IL1RAPL2: variants seen among roughly 807,000 people sequenced by gnomAD.
The protein encoded by IL1RAPL2 is interleukin 1 receptor accessory protein like 2, also known as X-linked interleukin-1 receptor accessory protein-like 2.
IL1RAPL2 carries 3 observed loss-of-function variants against 44.1 expected under a neutral mutation model. The ratio of observed to expected loss-of-function variants is 0.07; its 90% confidence interval spans 0.03 to 0.18. IL1RAPL2 has a LOEUF of 0.18. IL1RAPL2 is among the 10% of genes least tolerant of loss of function. IL1RAPL2 has a pLI of 1.00. For synonymous variants in IL1RAPL2, 181 were observed against 178.8 expected (o/e 1.01, Z -0.10); for missense variants, 391 against 496.4 (o/e 0.79, Z 2.02).
chrX:104,673,324 A>C (rs1930660416), intron 2 of IL1RAPL2, among the ~76,000 whole-genome samples: 1 of 111,388 alleles, frequency 9.0e-6, no homozygotes, highest in Non-Finnish European at 1.9e-5. Context: ...ATGGCTAGCC[A>C]GTTTTCCCAG....
intron 5 of IL1RAPL2, among the ~76,000 whole-genome samples, chrX:105,424,156 C>T (rs2035792304): frequency 8.9e-6 from 1 of 112,399 alleles, no homozygotes; most frequent in African/African-American, 3.2e-5. Context: ...TGAGGATGCA[C>T]ACCCGTGACA....
At chrX:105,009,208 A>G (rs1213479933) in intron 2 of IL1RAPL2, among the ~76,000 whole-genome samples, 2 of 111,624 alleles carry the variant, frequency 1.8e-5, no homozygotes, top group Non-Finnish European at 3.8e-5. Context: ...TCAATGATCT[A>G]GAACTAGAAA....
chrX:104,766,904 C>T (rs1269115039), intron 2 of IL1RAPL2, among the ~76,000 whole-genome samples: 1 of 112,087 alleles, frequency 8.9e-6, no homozygotes. Context: ...ATTTAGCTGT[C>T]CCAGTTTACA....
intron 5 of IL1RAPL2, chrX:105,406,496 C>T (rs772710154): frequency 5.6e-5 from 67 of 1,200,116 alleles, no homozygotes; most frequent in South Asian, 1.9e-4. Context: ...GGAATTTGTC[C>T]GATTTTTTGC....
intron 7 of IL1RAPL2, among the ~76,000 whole-genome samples, chrX:105,736,131 C>T (rs926145324): frequency 9.0e-6 from 1 of 111,269 alleles, no homozygotes; most frequent in Non-Finnish European, 1.9e-5. Flanking sequence ...GGAAAGGACT[C>T]CCTATTAAAT....
intron 5 of IL1RAPL2, among the ~76,000 whole-genome samples, chrX:105,474,979 T>A (rs192166632): frequency 9.0e-6 from 1 of 111,216 alleles, no homozygotes; most frequent in Admixed American, 9.6e-5. Context: ...GGACCCAAAA[T>A]GTATTTACCA....
intron 2 of IL1RAPL2, among the ~76,000 whole-genome samples, chrX:104,977,383 T>C (rs1048494061): frequency 2.7e-5 from 3 of 112,093 alleles, no homozygotes; most frequent in African/African-American, 9.7e-5. Flanking sequence ...CTTTGGTTAG[T>C]GTTATGGCTT....
At chrX:105,287,905 T>A (rs770803739) in intron 5 of IL1RAPL2, among the ~76,000 whole-genome samples, 1 of 111,520 alleles carries the variant, frequency 9.0e-6, no homozygotes, top group South Asian at 3.8e-4. Flanking sequence ...TTCTAAATTA[T>A]GGTTCTTATC....
chrX:105,115,640 T>C (rs1344075596), intron 2 of IL1RAPL2, among the ~76,000 whole-genome samples: 2 of 112,588 alleles, frequency 1.8e-5, no homozygotes, highest in African/African-American at 6.5e-5. Flanking sequence ...TAGCTAGACA[T>C]AAAGATTCTC....
chrX:105,048,693 T>G (rs998879958), intron 2 of IL1RAPL2, among the ~76,000 whole-genome samples: 2 of 112,033 alleles, frequency 1.8e-5, no homozygotes, highest in Non-Finnish European at 3.8e-5. Flanking sequence ...AACTCATTTT[T>G]GCATCACTAC....
intron 6 of IL1RAPL2, among the ~76,000 whole-genome samples, chrX:105,593,000 T>C (rs747216186): frequency 1.2e-3 from 132 of 112,244 alleles, no homozygotes; most frequent in African/African-American, 3.6e-3. Context: ...GGAAATTTTA[T>C]TGGATGATTT....
chrX:105,447,421 A>G (rs1254697396), intron 5 of IL1RAPL2, among the ~76,000 whole-genome samples: 14 of 72,855 alleles, frequency 1.9e-4, no homozygotes, highest in African/African-American at 7.5e-4. Flanking sequence ...ATAAATATAT[A>G]AATATATATA....
At chrX:105,075,400 T>G (rs918014914) in intron 2 of IL1RAPL2, among the ~76,000 whole-genome samples, 7 of 111,454 alleles carry the variant, frequency 6.3e-5, no homozygotes, top group African/African-American at 2.0e-4. Flanking sequence ...GCCCACTTGA[T>G]CATGGTGGAT....
chrX:105,668,699 G>A (rs2037791545), intron 6 of IL1RAPL2, among the ~76,000 whole-genome samples: 1 of 112,149 alleles, frequency 8.9e-6, no homozygotes, highest in Non-Finnish European at 1.9e-5. Flanking sequence ...TGCCTTAGAG[G>A]TTTTAATGAG....
At chrX:104,883,602 T>A (rs1010811174) in intron 2 of IL1RAPL2, among the ~76,000 whole-genome samples, 2 of 111,596 alleles carry the variant, frequency 1.8e-5, no homozygotes, top group Non-Finnish European at 3.8e-5. Context: ...TCCTCTTGCC[T>A]CTTCTTTGAG....
At chrX:105,117,339 A>G (rs1169084256) in intron 2 of IL1RAPL2, among the ~76,000 whole-genome samples, 1 of 111,828 alleles carries the variant, frequency 8.9e-6, no homozygotes, top group Non-Finnish European at 1.9e-5. Context: ...TTTGGGGAAA[A>G]TGTCTCTAAA....
intron 2 of IL1RAPL2, among the ~76,000 whole-genome samples, chrX:104,989,805 A>G (rs2030628440): frequency 8.9e-6 from 1 of 111,813 alleles, no homozygotes; most frequent in East Asian, 2.8e-4. Flanking sequence ...TCATTTTGTC[A>G]TGACTCTATT....
intron 2 of IL1RAPL2, among the ~76,000 whole-genome samples, chrX:105,036,047 T>C (rs2147756072): frequency 8.9e-6 from 1 of 111,997 alleles, no homozygotes; most frequent in African/African-American, 3.2e-5. Flanking sequence ...CTATGGAAGA[T>C]CATGAGGTAT....
intron 2 of IL1RAPL2, among the ~76,000 whole-genome samples, chrX:104,908,364 T>A (rs1434682089): frequency 9.0e-6 from 1 of 111,569 alleles, no homozygotes; most frequent in Admixed American, 9.6e-5. Flanking sequence ...AGCTGGTTAT[T>A]TTGCTCGTTA....
Sources: allele counts gnomAD v4.1 joint callset (sites outside exome capture counted in the v4.1 genomes callset), GRCh38; gene constraint gnomAD v4.1.1; transcripts MANE v1.5; gene names NCBI Gene and HGNC (gene_info 2026-07-23, HGNC 2026-07-21).